The following ZNF676 variants were observed in gnomAD, a reference collection of about 807,000 sequenced individuals.
The protein encoded by ZNF676 is zinc finger protein 676.
In ZNF676, 4 loss-of-function variants were observed where a neutral mutation model predicts 6.0. That is an observed-to-expected ratio of 0.67 (90% CI 0.33 to 1.53). ZNF676 has a LOEUF of 1.53. ZNF676 is among the 40% of genes most tolerant of loss of function. ZNF676 has a pLI of 0.06. For synonymous variants in ZNF676, 198 were observed against 223.1 expected, an observed-to-expected ratio of 0.89 and a Z score of 1.00; for missense variants, 644 against 679.7, an observed-to-expected ratio of 0.95 and a Z score of 0.58.
chr19:22,255,251 A>T, the ZNF676 span, among the ~76,000 whole-genome samples: 149 of 152,186 alleles, frequency 9.8e-4, no homozygotes, highest in African/African-American at 3.3e-3. Flanking sequence ...TTTGGGTGTG[A>T]GGTTCAGAAC....
intron 2 of ZNF676, among the ~76,000 whole-genome samples, chr19:22,187,803 T>A (rs994332428): frequency 1.1e-4 from 16 of 151,864 alleles, no homozygotes; most frequent in African/African-American, 3.9e-4. Flanking sequence ...ACATACACCC[T>A]CCCAAGTCTA....
At position 22,180,225 on chromosome 19, in the gene ZNF676, T is replaced by C. The variant is rs755336080; in HGVS notation, c.1492A>G (p.Ile498Val). ...TTGTAGCGTTTCTCTCCAGTATGAA[T>C]TATCTTATGTTTAGTAAGGATTGAG... ...TFSILTKHKI[I>V]HTGEKRYKCE... The change falls in exon 3 of 3, where the codon ATT becomes GTT. Residue 498 changes from isoleucine (I) to valine (V), a missense_variant. By Grantham distance (29) the Ile-to-Val change is conservative (BLOSUM62 3). Coordinates refer to ENST00000397121, the MANE Select transcript of ZNF676 (RefSeq NM_001001411.3). The C allele has an allele frequency of 1.2e-6, 2 of 1,613,834 alleles. No homozygotes were observed. Among genetic ancestry groups the C allele is most frequent in the Non-Finnish European group, 8.5e-7 (1 of 1,179,926 alleles).
At position 22,195,456 on chromosome 19, in the gene ZNF676, G is replaced by A. The variant is rs559288968; in HGVS notation, c.34+1144C>T. Reference sequence around the variant, plus strand: ...ACTCAACTTACTTATCGTGTCCGCAGACCCTTAGGCATGATAATTTTTGCT... The same window carrying A: ...ACTCAACTTACTTATCGTGTCCGCAAACCCTTAGGCATGATAATTTTTGCT... On this transcript the variant is annotated intron_variant, in intron 1 of 2. Coordinates refer to ENST00000397121, the MANE Select transcript of ZNF676 (RefSeq NM_001001411.3). Among the ~76,000 whole-genome samples, 278 of 152,274 alleles carry A rather than the reference G, an allele frequency of 1.8e-3. 7 individuals carry two copies. The highest frequency in any genetic ancestry group is 1.6e-3 in the Non-Finnish European group (108 of 68,016).
At chr19:22,185,273 G>A (rs1599710836) in intron 2 of ZNF676, among the ~76,000 whole-genome samples, 1 of 152,118 alleles carries the variant, frequency 6.6e-6, no homozygotes, top group East Asian at 1.9e-4. Flanking sequence ...GCAGCAGGGA[G>A]GCCTGACTGT....
chr19:22,214,864 T>G (rs890813152), intron 1 of ZNF676, among the ~76,000 whole-genome samples: 2 of 150,892 alleles, frequency 1.3e-5, no homozygotes, highest in African/African-American at 2.4e-5. Context: ...ACGGTGAAAC[T>G]CCGTCTCTAC....
intron 1 of ZNF676, among the ~76,000 whole-genome samples, chr19:22,205,344 C>G (rs1420629287): frequency 6.6e-6 from 1 of 151,980 alleles, no homozygotes; most frequent in African/African-American, 2.4e-5. Flanking sequence ...CTAAAAAATA[C>G]CATAACATAC....
chr19:22,217,457 C>G (rs2024204071), upstream of ZNF676, among the ~76,000 whole-genome samples: 1 of 152,196 alleles, frequency 6.6e-6, no homozygotes, highest in African/African-American at 2.4e-5. Flanking sequence ...CCACCTCAGC[C>G]TCCCAAAGTG....
intron 2 of ZNF676, among the ~76,000 whole-genome samples, chr19:22,190,374 C>T (rs2023885926): frequency 6.6e-6 from 1 of 151,468 alleles, no homozygotes; most frequent in Non-Finnish European, 1.5e-5. Flanking sequence ...GATGTTCATC[C>T]TGCTCAATGT....
intron 2 of ZNF676, among the ~76,000 whole-genome samples, chr19:22,191,043 A>T (rs1438148827): frequency 2.0e-5 from 3 of 152,172 alleles, no homozygotes; most frequent in Non-Finnish European, 4.4e-5. Context: ...AGAGAATCAG[A>T]CATCATGGTT....
the ZNF676 span, among the ~76,000 whole-genome samples, chr19:22,247,347 T>A: frequency 6.6e-6 from 1 of 151,854 alleles, no homozygotes; most frequent in Non-Finnish European, 1.5e-5. Context: ...GTGGATTACC[T>A]GACGTCAGAA....
chr19:22,258,477 A>G, the ZNF676 span, among the ~76,000 whole-genome samples: 1 of 152,308 alleles, frequency 6.6e-6, no homozygotes, highest in Non-Finnish European at 1.5e-5. Flanking sequence ...GAGGAATCAC[A>G]TTATCTAGGT....
chr19:22,217,362 C>T (rs3853880), upstream of ZNF676, among the ~76,000 whole-genome samples: 3,995 of 152,222 alleles, frequency 0.026, 77 homozygotes, highest in Non-Finnish European at 0.042. Flanking sequence ...TGCCACCATG[C>T]CTGGCTAATT....
intron 2 of ZNF676, among the ~76,000 whole-genome samples, chr19:22,182,573 TAGTC>T (rs2023771344): frequency 2.7e-5 from 1 of 37,500 alleles, no homozygotes; most frequent in Non-Finnish European, 4.4e-5. Flanking sequence ...CAGTGTGATA[TAGTC>T]AAAGTTCTAA....
At chr19:22,253,400 A>G in the ZNF676 span, among the ~76,000 whole-genome samples, 90 of 46,638 alleles carry the variant, frequency 1.9e-3, no homozygotes, top group South Asian at 0.014. Flanking sequence ...ATATATGATA[A>G]TGTGTATATA....
At chr19:22,236,810 G>C in the ZNF676 span, among the ~76,000 whole-genome samples, 1 of 152,198 alleles carries the variant, frequency 6.6e-6, no homozygotes, top group Non-Finnish European at 1.5e-5. Context: ...TGATGAATCA[G>C]CCAATGCTGG....
chr19:22,225,300 G>C, the ZNF676 span, among the ~76,000 whole-genome samples: 1 of 152,004 alleles, frequency 6.6e-6, no homozygotes, highest in South Asian at 2.1e-4. Flanking sequence ...CTCTTTTAAG[G>C]CTGAATGATA....
chr19:22,198,709 T>C (rs990949245), upstream of ZNF676, among the ~76,000 whole-genome samples: 3 of 152,172 alleles, frequency 2.0e-5, no homozygotes, highest in Non-Finnish European at 2.9e-5. Flanking sequence ...CTGTCCTTTA[T>C]AGCAGAAGAG....
upstream of ZNF676, among the ~76,000 whole-genome samples, chr19:22,198,039 CCTA>C (rs1249968689): frequency 6.6e-6 from 1 of 152,070 alleles, no homozygotes; most frequent in Non-Finnish European, 1.5e-5. Flanking sequence ...GCAGGTATCT[CCTA>C]ACAATTTTTT....
the ZNF676 span, among the ~76,000 whole-genome samples, chr19:22,241,146 G>T: frequency 7.9e-5 from 12 of 152,042 alleles, no homozygotes; most frequent in African/African-American, 2.4e-4. Context: ...AATCCCTACT[G>T]GGGGCTGGAC....
Sources: allele counts gnomAD v4.1 joint callset (sites outside exome capture counted in the v4.1 genomes callset), GRCh38; gene constraint gnomAD v4.1.1; transcripts MANE v1.5; gene names NCBI Gene and HGNC (gene_info 2026-07-23, HGNC 2026-07-21).